PPP1R12A: variants seen among roughly 807,000 people sequenced by gnomAD.
PPP1R12A encodes myosin binding subunit.
PPP1R12A carries 19 observed loss-of-function variants against 139.6 expected under a neutral mutation model. The observed-to-expected ratio is 0.14, with a 90% CI of 0.09 to 0.20. PPP1R12A has a LOEUF of 0.20. Ranked by LOEUF, PPP1R12A falls within the 10% of genes least tolerant of loss-of-function variation. The probability of loss-of-function intolerance (pLI) is 1.00; values close to 1 mark genes in which losing one functional copy is unlikely to be tolerated. For synonymous variants in PPP1R12A, 427 were observed against 420.6 expected (o/e 1.02, Z -0.19); for missense variants, 925 against 1,211.5 (o/e 0.76, Z 3.51).
At chr12:79,814,299 A>G (rs1173476269) in intron 9 of PPP1R12A, among the ~76,000 whole-genome samples, 2 of 150,982 alleles carry the variant, frequency 1.3e-5, no homozygotes, top group Admixed American at 6.6e-5. Context: ...AACACGGTGA[A>G]ACCCCGTCTC....
chr12:79,925,272 G>C (rs1224820981), intron 1 of PPP1R12A, among the ~76,000 whole-genome samples: 2 of 152,130 alleles, frequency 1.3e-5, no homozygotes, highest in Admixed American at 1.3e-4. Flanking sequence ...GTGTGTGTGT[G>C]TGTGTGTGTA....
intron 7 of PPP1R12A, 49 bp downstream of exon 7, chr12:79,821,029 T>C: frequency 6.3e-7 from 1 of 1,590,216 alleles, no homozygotes; most frequent in Non-Finnish European, 8.6e-7. Context: ...GTGGCCACTA[T>C]GCCAACTCAT....
intron 2 of PPP1R12A, among the ~76,000 whole-genome samples, chr12:79,852,267 T>C (rs1203050955): frequency 6.6e-6 from 1 of 151,598 alleles, no homozygotes; most frequent in Admixed American, 6.6e-5. Flanking sequence ...CACAGTTCAC[T>C]ACAGCCATGA....
chr12:79,932,463 G>A (rs1280934323), intron 1 of PPP1R12A, among the ~76,000 whole-genome samples: 3 of 152,108 alleles, frequency 2.0e-5, no homozygotes, highest in Non-Finnish European at 2.9e-5. Flanking sequence ...AAAGACTTTG[G>A]CTTCACCGAT....
In PPP1R12A at chr12:79,817,516, T is replaced by C; in HGVS notation, c.1117A>G (p.Lys373Glu). ...DDSESEAETD[K>E]TKPLASVTNA... is the part of the protein sequence containing the mutation. ...GTTACAGAAGCCAGGGGTTTTGTCT[T>C]ATCTATTAAAGACAAACAATTAAGA... The change falls in exon 9 of 25, where the codon AAG becomes GAG. Residue 373 changes from lysine to glutamate, a missense_variant and splice_region_variant. Lys to Glu is a moderately conservative substitution (Grantham distance 56, BLOSUM62 1). This residue lies in a region of PPP1R12A where 403 missense variants were observed against 463.7 expected (regional missense o/e 0.87). Coordinates refer to ENST00000450142, the MANE Select transcript of PPP1R12A (RefSeq NM_002480.3). The C allele has an allele frequency of 6.3e-7, 1 of 1,581,886 alleles. No homozygotes were observed. The highest frequency in any genetic ancestry group is 8.6e-7 in the Non-Finnish European group (1 of 1,161,784).
At chr12:79,779,104 G>C in intron 23 of PPP1R12A, 1 of 336,596 alleles carries the variant, frequency 3.0e-6, no homozygotes, top group Non-Finnish European at 5.9e-6. Flanking sequence ...TTTGTATTTA[G>C]GTTGACATTA....
chr12:79,901,180 T>C (rs532526866), intron 1 of PPP1R12A, among the ~76,000 whole-genome samples: 1 of 152,272 alleles, frequency 6.6e-6, no homozygotes, highest in South Asian at 2.1e-4. Context: ...GAAGTAACTG[T>C]TTGAGATGCC....
chr12:79,852,753 T>C (rs186588773), intron 2 of PPP1R12A, among the ~76,000 whole-genome samples: 21 of 152,242 alleles, frequency 1.4e-4, no homozygotes, highest in African/African-American at 5.1e-4. Context: ...CACTGACATG[T>C]CTCTGGCTGA....
chr12:79,781,942 T>C (rs1870499521), intron 22 of PPP1R12A, 80 bp from the exon 23 acceptor site: 1 of 734,924 alleles, frequency 1.4e-6, no homozygotes, highest in South Asian at 2.0e-5. Context: ...TTTTAATAGG[T>C]ATTAAATCAC....
chr12:79,921,112 T>C (rs925347516), intron 1 of PPP1R12A, among the ~76,000 whole-genome samples: 1 of 152,208 alleles, frequency 6.6e-6, no homozygotes, highest in Admixed American at 6.5e-5. Context: ...TAGTAGTGTC[T>C]GGCACAGAAG....
intron 3 of PPP1R12A, among the ~76,000 whole-genome samples, chr12:79,841,185 C>T (rs374497471): frequency 6.6e-6 from 1 of 152,070 alleles, no homozygotes; most frequent in East Asian, 1.9e-4. Context: ...CATCTCAGCC[C>T]CCCAAAGCAA....
Position 79,778,453 on chromosome 12 carries a change from G to A in PPP1R12A, c.3006+97C>T, listed in dbSNP as rs186566818. The A allele has an allele frequency of 5.9e-4, 495 of 842,968 alleles. 3 individuals are homozygous for A. Among genetic ancestry groups the A allele is most frequent in the Non-Finnish European group, 1.9e-5 (11 of 584,222 alleles). The allele number at this position is 842,968 out of a possible 1,614,324, so 52.2% of individuals were successfully genotyped here. A position where few individuals can be genotyped will look rare whatever the true frequency, so the allele number is the denominator to read the frequency against. On this transcript the variant is annotated intron_variant, in intron 24 of 24. Transcript: ENST00000450142. ...AGACAGTTCACAAATTGGGTAATCA[G>A]CTTTGAGAACAATTAATGTAAACCA...
intron 1 of PPP1R12A, among the ~76,000 whole-genome samples, chr12:79,921,055 G>C (rs1208743779): frequency 6.6e-6 from 1 of 152,114 alleles, no homozygotes; most frequent in Non-Finnish European, 1.5e-5. Flanking sequence ...GACTCTATGA[G>C]GGTACTGTTG....
At chr12:79,877,404 A>G (rs1355583188) in intron 1 of PPP1R12A, among the ~76,000 whole-genome samples, 1 of 152,226 alleles carries the variant, frequency 6.6e-6, no homozygotes, top group African/African-American at 2.4e-5. Context: ...TTTAATGACG[A>G]AGAAACATAA....
At position 79,788,687 on chromosome 12, in the gene PPP1R12A, G is replaced by A; in HGVS notation, c.2763C>T (p.Ser921=). The change falls in exon 21 of 25, where the codon AGC becomes AGT. Residue 921 remains serine (S), a synonymous_variant. Coordinates refer to ENST00000450142, the MANE Select transcript of PPP1R12A (RefSeq NM_002480.3). ...TTGAGTCATCCTTTTCTAGCCTGCT[G>A]CTGTAAGGTTTTCTTTCTTCTAAGT... is the stretch of plus-strand genomic sequence containing the variant. The part of the protein sequence containing the change: ...YSYLEERKPY[S]SRLEKDDSTD... 6.2e-7 allele frequency: 1 copy of A among 1,613,116 alleles called. No individual in the cohort carries two copies. Among genetic ancestry groups the A allele is most frequent in the Non-Finnish European group, 8.5e-7 (1 of 1,179,436 alleles).
chr12:79,906,663 C>G (rs1213032222), intron 1 of PPP1R12A, among the ~76,000 whole-genome samples: 3 of 151,912 alleles, frequency 2.0e-5, no homozygotes, highest in Non-Finnish European at 4.4e-5. Flanking sequence ...AAGACAGAGT[C>G]CCACTCTGTT....
chr12:79,809,427 T>C (rs1874254048), intron 10 of PPP1R12A, among the ~76,000 whole-genome samples: 1 of 152,172 alleles, frequency 6.6e-6, no homozygotes, highest in Non-Finnish European at 1.5e-5. Flanking sequence ...TGAATAAATG[T>C]AACTTATGAG....
At chr12:79,849,898 T>C (rs1266537352) in intron 2 of PPP1R12A, among the ~76,000 whole-genome samples, 1 of 152,130 alleles carries the variant, frequency 6.6e-6, no homozygotes, top group East Asian at 1.9e-4. Flanking sequence ...TCATAGTTCA[T>C]TGTAACCTTG....
At chr12:79,783,339 T>C (rs949649612) in intron 22 of PPP1R12A, among the ~76,000 whole-genome samples, 1 of 149,830 alleles carries the variant, frequency 6.7e-6, no homozygotes, top group African/African-American at 2.5e-5. Flanking sequence ...TGTGGTGGCA[T>C]TGCCTGTAGT....
Sources: gnomAD v4.1 joint callset for allele counts (sites outside exome capture counted in the v4.1 genomes callset) on GRCh38, gnomAD v4.1.1 for gene constraint, gnomAD v4.1.1 regional missense constraint, MANE v1.5 for transcripts, NCBI Gene and HGNC (gene_info 2026-07-23, HGNC 2026-07-21) for gene names.